The following TMEM117 variants were observed in gnomAD, a reference collection of about 807,000 sequenced individuals.
TMEM117 encodes transmembrane protein 117.
A neutral mutation model predicts 52.4 loss-of-function variants in TMEM117; 27 were observed. That is an observed-to-expected ratio of 0.51 (90% CI 0.38 to 0.71). TMEM117 has a LOEUF of 0.71. Among genes scored for constraint, TMEM117 ranks in the 30% least tolerant of loss-of-function variants. TMEM117 has a pLI of 0.00. For synonymous variants in TMEM117, 215 were observed against 206.3 expected, an observed-to-expected ratio of 1.04 and a Z score of -0.36; for missense variants, 556 against 630.5, an observed-to-expected ratio of 0.88 and a Z score of 1.26.
upstream of TMEM117, among the ~76,000 whole-genome samples, chr12:43,833,732 T>C (rs1331164568): frequency 6.6e-6 from 1 of 151,678 alleles, no homozygotes; most frequent in African/African-American, 2.4e-5. Context: ...GAAGTTGCAA[T>C]GAGCTGTGAT....
At position 44,256,938 on chromosome 12, in the gene TMEM117, G is replaced by A. The variant is rs1417292776; in HGVS notation, c.609-42642G>A. ...ATTATTTACACATATATGTTCTATG[G>A]TTACTGCCTTCTCTTTTCCTGGTCT... On this transcript the variant is annotated intron_variant, in intron 5 of 7. Transcript: ENST00000266534. 9.3e-5 allele frequency among the ~76,000 whole-genome samples: 14 copies of A among 151,312 alleles called. No homozygotes were observed. In the Admixed American group the frequency reaches 9.3e-4, roughly 10 times the overall value.
chr12:43,958,331 T>C (rs1364916959), intron 3 of TMEM117, among the ~76,000 whole-genome samples: 1 of 152,172 alleles, frequency 6.6e-6, no homozygotes, highest in Non-Finnish European at 1.5e-5. Flanking sequence ...GCATACTATT[T>C]GGGGCAGAAT....
At chr12:43,927,900 A>G (rs1483250478) in intron 2 of TMEM117, among the ~76,000 whole-genome samples, 1 of 151,956 alleles carries the variant, frequency 6.6e-6, no homozygotes, top group Non-Finnish European at 1.5e-5. Context: ...AGATCAATAT[A>G]TTGAATTTAT....
intron 3 of TMEM117, among the ~76,000 whole-genome samples, chr12:43,993,705 A>AT (rs762282320): frequency 1.1e-4 from 16 of 151,922 alleles, no homozygotes; most frequent in Non-Finnish European, 2.2e-4. Flanking sequence ...TCTTTTTTCT[A>AT]TTTTTTTGAG....
chr12:44,357,578 T>C (rs759749747), intron 6 of TMEM117, among the ~76,000 whole-genome samples: 2 of 152,014 alleles, frequency 1.3e-5, no homozygotes, highest in Non-Finnish European at 2.9e-5. Flanking sequence ...AGCGTTTCCA[T>C]GTTACTAATC....
intron 2 of TMEM117, among the ~76,000 whole-genome samples, chr12:43,909,430 T>G (rs1944453815): frequency 9.9e-6 from 1 of 100,798 alleles, no homozygotes; most frequent in African/African-American, 2.9e-5. Flanking sequence ...ACATCACAAT[T>G]AAAAGAACTA....
At chr12:43,832,019 A>G (rs771427137), upstream of TMEM117, among the ~76,000 whole-genome samples, 66 of 152,282 alleles carry the variant, frequency 4.3e-4, 1 homozygote, top group Non-Finnish European at 7.8e-4. Flanking sequence ...TTACCCTGAC[A>G]CTCTGAAACT....
At chr12:43,974,807 A>G (rs1315922448) in intron 3 of TMEM117, among the ~76,000 whole-genome samples, 12 of 152,150 alleles carry the variant, frequency 7.9e-5, no homozygotes, top group Admixed American at 7.9e-4. Flanking sequence ...TTATATTCTT[A>G]ATAATATTGA....
chr12:44,066,933 G>T (rs1278826113), intron 3 of TMEM117, among the ~76,000 whole-genome samples: 1 of 152,148 alleles, frequency 6.6e-6, no homozygotes, highest in Non-Finnish European at 1.5e-5. Flanking sequence ...TTTCAAAACT[G>T]GAGTCAGTTC....
intron 4 of TMEM117, among the ~76,000 whole-genome samples, chr12:44,173,522 TGGTTTTCATATGTTTG>T (rs1338336281): frequency 2.0e-5 from 3 of 151,912 alleles, no homozygotes; most frequent in Non-Finnish European, 4.4e-5. Context: ...TGGATGTGGA[TGGTTTTCATATGTTTG>T]TGAGATGTGT....
At chr12:44,324,586 T>C (rs1399132846) in intron 6 of TMEM117, among the ~76,000 whole-genome samples, 4 of 152,058 alleles carry the variant, frequency 2.6e-5, no homozygotes, top group African/African-American at 9.7e-5. Context: ...AAAGACTAAA[T>C]AGTAAAAAGG....
chr12:43,887,036 A>C (rs1944008289), intron 2 of TMEM117, among the ~76,000 whole-genome samples: 1 of 152,054 alleles, frequency 6.6e-6, no homozygotes. Flanking sequence ...TTCTGTAGAG[A>C]TGGGGTTTTA....
At chr12:43,856,314 G>T (rs1050421515) in intron 2 of TMEM117, among the ~76,000 whole-genome samples, 7 of 152,140 alleles carry the variant, frequency 4.6e-5, no homozygotes, top group African/African-American at 1.7e-4. Context: ...AGTCTGTATG[G>T]AGTTCTGGAA....
chr12:44,182,547 G>A (rs574554003), intron 4 of TMEM117, among the ~76,000 whole-genome samples: 3 of 152,244 alleles, frequency 2.0e-5, no homozygotes, highest in African/African-American at 2.4e-5. Context: ...TTGATGGGAC[G>A]TATTTCAAAA....
intron 2 of TMEM117, among the ~76,000 whole-genome samples, chr12:43,909,624 A>C (rs1365490784): frequency 6.6e-6 from 1 of 151,972 alleles, no homozygotes; most frequent in Non-Finnish European, 1.5e-5. Flanking sequence ...GAAAAAAAGA[A>C]GAATCAAATA....
At chr12:44,346,033 A>C (rs958887480) in intron 6 of TMEM117, among the ~76,000 whole-genome samples, 2 of 152,096 alleles carry the variant, frequency 1.3e-5, no homozygotes, top group Non-Finnish European at 2.9e-5. Flanking sequence ...TATATCTTTT[A>C]AAGTATTGAA....
At chr12:44,359,775 GAAAA>G (rs1331874973) in intron 6 of TMEM117, among the ~76,000 whole-genome samples, 3 of 151,724 alleles carry the variant, frequency 2.0e-5, no homozygotes, top group Non-Finnish European at 4.4e-5. Context: ...ACATGTAAGT[GAAAA>G]AAAGGAATAA....
chr12:44,213,987 A>G (rs1430339962), intron 5 of TMEM117, among the ~76,000 whole-genome samples: 3 of 152,098 alleles, frequency 2.0e-5, no homozygotes, highest in Non-Finnish European at 4.4e-5. Flanking sequence ...AGGGTAAGCC[A>G]TGTATTCTAT....
At chr12:44,171,725 T>G (rs1168511808) in intron 4 of TMEM117, among the ~76,000 whole-genome samples, 2 of 152,206 alleles carry the variant, frequency 1.3e-5, no homozygotes, top group African/African-American at 2.4e-5. Flanking sequence ...TCCTCTTAAC[T>G]ATGCTATTTT....
Sources: allele counts gnomAD v4.1 joint callset (sites outside exome capture counted in the v4.1 genomes callset), GRCh38; gene constraint gnomAD v4.1.1; transcripts MANE v1.5; gene names NCBI Gene and HGNC (gene_info 2026-07-23, HGNC 2026-07-21).